COL16A1: variants seen among roughly 807,000 people sequenced by gnomAD.
COL16A1 encodes collagen alpha-1(XVI) chain.
COL16A1 carries 189 observed loss-of-function variants against 266.3 expected under a neutral mutation model. That is an observed-to-expected ratio of 0.71 (90% CI 0.63 to 0.80). COL16A1 has a LOEUF of 0.80. Among genes scored for constraint, COL16A1 ranks in the 30% least tolerant of loss-of-function variants. COL16A1 has a pLI of 0.00. For synonymous variants in COL16A1, 740 were observed against 782.3 expected (o/e 0.95, Z 0.90); for missense variants, 1,928 against 2,122.4 (o/e 0.91, Z 1.80).
chr1:31,683,376 G>C lies in COL16A1; in HGVS notation c.2380-7C>G. The stretch of plus-strand genomic sequence containing the variant: ...CCGGGGCTCCAGGCTCCCCCTGCAA[G>C]TCAGAAAGGGCAGACTAGGGCACAG... On this transcript the variant is annotated splice_polypyrimidine_tract_variant and splice_region_variant and intron_variant, in intron 34 of 70. Coordinates refer to ENST00000373672, the MANE Select transcript of COL16A1 (RefSeq NM_001856.4). The C allele has an allele frequency of 6.2e-7, 1 of 1,613,952 alleles. No homozygotes were observed. Among genetic ancestry groups the C allele is most frequent in the East Asian group, 2.2e-5 (1 of 44,886 alleles).
chr1:31,699,471 G>GGT (rs1038933390), intron 4 of COL16A1, among the ~76,000 whole-genome samples: 1 of 152,074 alleles, frequency 6.6e-6, no homozygotes, highest in Non-Finnish European at 1.5e-5. Flanking sequence ...CACACACATG[G>GGT]GTGCACACAC....
intron 56 of COL16A1, 86 bp downstream of exon 56, chr1:31,665,086 T>C (rs1206180644): frequency 6.4e-6 from 10 of 1,558,162 alleles, no homozygotes; most frequent in African/African-American, 1.4e-5. Context: ...TGGAATTTCC[T>C]GAAAGCCTGA....
rs1329619461 is a variant in COL16A1, at chr1:31,692,760, G to A, written c.1113+7C>T. 6.2e-7 allele frequency: 1 copy of A among 1,613,592 alleles called. No homozygotes were observed. Among genetic ancestry groups the A allele is most frequent in the African/African-American group, 1.3e-5 (1 of 74,908 alleles). On this transcript the variant is annotated splice_region_variant and intron_variant, in intron 14 of 70. Coordinates refer to ENST00000373672, the MANE Select transcript of COL16A1 (RefSeq NM_001856.4). ...GCCCTGAAGCAGGCATCACCTCCAAGTCTTACCTGAAGTGGGGCATCCGGG... is the reference window on the plus strand; with the variant it reads ...GCCCTGAAGCAGGCATCACCTCCAAATCTTACCTGAAGTGGGGCATCCGGG...
rs34831255 is a variant in COL16A1 at position 31,702,033 on chromosome 1, A to C, written c.73+88T>G. 3.6e-3 allele frequency: 5,771 copies of C among 1,601,650 alleles called. 158 individuals are homozygous for C. In the African/African-American group the frequency reaches 0.066, roughly 18 times the overall value. On this transcript the variant is annotated intron_variant, in intron 2 of 70. Transcript: ENST00000373672. ...GCTATAACTGCCCACACGACCACACATACATGGTCACATATGTGCAAGGAC... is the reference window on the plus strand; with the variant it reads ...GCTATAACTGCCCACACGACCACACCTACATGGTCACATATGTGCAAGGAC...
intron 26 of COL16A1, among the ~76,000 whole-genome samples, chr1:31,686,611 C>T (rs1341662081): frequency 6.6e-6 from 1 of 152,264 alleles, no homozygotes; most frequent in African/African-American, 2.4e-5. Flanking sequence ...GGGTAGACAG[C>T]AGTGAGCAGG....
intron 13 of COL16A1, 109 bp downstream of exon 13, chr1:31,692,983 G>T: frequency 1.0e-6 from 1 of 978,008 alleles, no homozygotes; most frequent in Non-Finnish European, 1.6e-6. Flanking sequence ...CGTGATCTGG[G>T]CCAAGCTGCA....
chr1:31,689,331 C>T, intron 23 of COL16A1: 1 of 633,360 alleles, frequency 1.6e-6, no homozygotes, highest in South Asian at 2.0e-5. Context: ...TACCCAATCA[C>T]CTTTTTGTCT....
chr1:31,692,151 C>A (rs1235307650), intron 16 of COL16A1, 84 bp from the exon 17 acceptor site: 29 of 1,587,882 alleles, frequency 1.8e-5, no homozygotes, highest in Non-Finnish European at 2.4e-5. Flanking sequence ...GGGACAACTG[C>A]CTTCTAGACC....
At chr1:31,671,294 A>C (rs1490661732) in intron 48 of COL16A1, among the ~76,000 whole-genome samples, 1 of 152,192 alleles carries the variant, frequency 6.6e-6, no homozygotes, top group African/African-American at 2.4e-5. Context: ...GTGAGCCTGA[A>C]GCCTAGGCCC....
chr1:31,661,370 G>T (rs771659067), intron 60 of COL16A1, 44 bp downstream of exon 60: 1 of 1,613,722 alleles, frequency 6.2e-7, no homozygotes, highest in Non-Finnish European at 8.5e-7. Flanking sequence ...CAAGCCTTCA[G>T]GAGAGCAGAG....
chr1:31,678,652 A>C lies in COL16A1; in HGVS notation c.2772+980T>G, dbSNP rs1243093159. Among the ~76,000 whole-genome samples, 4 of 152,230 alleles carry C rather than the reference A, an allele frequency of 2.6e-5. No homozygotes were observed. The East Asian group carries it at 7.7e-4, about 29-fold the overall frequency. ...ATAATAATGATAGCTAATGCCTTCT[A>C]AGCATTTGTCACATAAATAATATAT... is the stretch of plus-strand genomic sequence containing the variant. On this transcript the variant is annotated intron_variant, in intron 42 of 70. Coordinates refer to ENST00000373672, the MANE Select transcript of COL16A1 (RefSeq NM_001856.4).
rs1391159079 is a variant in COL16A1 at position 31,657,801 on chromosome 1, C to A, written c.4020+687G>T. On this transcript the variant is annotated intron_variant, in intron 64 of 70. Coordinates refer to ENST00000373672, the MANE Select transcript of COL16A1 (RefSeq NM_001856.4). The surrounding 1 kb of genome is among the most constrained non-coding windows in gnomAD (Gnocchi z 6.4). ...ATCAGTTGCACCTGTTAGGGTTCAC[C>A]TGTCTGGAACTTTTGAGAGAGGTAG... Among the ~76,000 whole-genome samples, 3 of 152,230 alleles carry A rather than the reference C, an allele frequency of 2.0e-5. No homozygotes were observed. The highest frequency in any genetic ancestry group is 7.2e-5 in the African/African-American group (3 of 41,448).
chr1:31,670,625 C>T lies in COL16A1; in HGVS notation c.3172G>A (p.Ala1058Thr). The T allele has an allele frequency of 7.0e-7, 1 of 1,422,724 alleles. No individual in the cohort carries two copies. Among genetic ancestry groups the T allele is most frequent in the South Asian group, 1.6e-5 (1 of 63,082 alleles). The allele number at this position is 1,422,724 out of a possible 1,614,324, so 88.1% of individuals were successfully genotyped here. ...GPIGPPGFPG[A>T]VGSPGLPGLQ... The stretch of plus-strand genomic sequence containing the variant: ...ACAGGCAATCCGGGGGAGCCAACAG[C>T]ACCAGGAAAACCTGGGGGGCCCTGG... Residue 1058 changes from alanine (A) to threonine (T), a missense_variant, in exon 49 of 71, where the codon GCT becomes ACT. By Grantham distance (58) the Ala-to-Thr change is moderately conservative. Coordinates refer to ENST00000373672, the MANE Select transcript of COL16A1 (RefSeq NM_001856.4). The surrounding 1 kb of genome is among the most constrained non-coding windows in gnomAD (Gnocchi z 4.5).
intron 64 of COL16A1, 81 bp downstream of exon 64, chr1:31,658,407 G>A (rs1641351931): frequency 8.4e-7 from 1 of 1,193,238 alleles, no homozygotes; most frequent in African/African-American, 1.5e-5. Flanking sequence ...AGAGACCCCA[G>A]ATATGTTGTG....
intron 55 of COL16A1, 55 bp downstream of exon 55, chr1:31,665,528 C>A (rs1570393305): frequency 1.2e-6 from 2 of 1,613,770 alleles, no homozygotes; most frequent in African/African-American, 2.7e-5. Context: ...GTCAGGCCTG[C>A]CCCTCCCGAT....
At chr1:31,678,300 C>T (rs1308089619) in intron 42 of COL16A1, among the ~76,000 whole-genome samples, 1 of 152,204 alleles carries the variant, frequency 6.6e-6, no homozygotes, top group Non-Finnish European at 1.5e-5. Context: ...AGGTGAGAAT[C>T]ACTCTCTTAG....
rs776776035 is a variant in COL16A1 at position 31,685,750 on chromosome 1, G to A, written c.1905C>T (p.Cys635=). 10 of 1,613,944 alleles carry A rather than the reference G, an allele frequency of 6.2e-6. No homozygotes were observed. The Admixed American group carries it at 8.3e-5, about 13-fold the overall frequency. Reference sequence around the variant, plus strand: ...CATCCTGAAGGTTGGACAGGGCTGGGCACGGCTCACAGGGCTCCCCCTGCC... The same window carrying A: ...CATCCTGAAGGTTGGACAGGGCTGGACACGGCTCACAGGGCTCCCCCTGCC... ...KGAKGEPCEP[C]PALSNLQDGD... is the part of the protein sequence containing the mutation. The change falls in exon 29 of 71, where the codon TGC becomes TGT. Residue 635 remains cysteine, a synonymous_variant. Transcript: ENST00000373672. The surrounding 1 kb of genome is among the most constrained non-coding windows in gnomAD (Gnocchi z 4.0).
chr1:31,667,091 G>T (rs527871118), intron 52 of COL16A1, among the ~76,000 whole-genome samples: 19 of 152,214 alleles, frequency 1.2e-4, no homozygotes, highest in Non-Finnish European at 2.8e-4. Context: ...GCTGATCCTA[G>T]ATCTGAGGTT....
intron 22 of COL16A1, 72 bp from the exon 23 acceptor site, chr1:31,689,923 G>C: frequency 7.5e-7 from 1 of 1,329,156 alleles, no homozygotes. Flanking sequence ...GGCCTCTTGC[G>C]CAGACCAGCC....
Sources: gnomAD v4.1 joint callset for allele counts (sites outside exome capture counted in the v4.1 genomes callset) on GRCh38, gnomAD v4.1.1 for gene constraint, Gnocchi (gnomAD v3.1) non-coding constraint, MANE v1.5 for transcripts, NCBI Gene and HGNC (gene_info 2026-07-23, HGNC 2026-07-21) for gene names.